Variants in BIRC6 observed in about 807,000 individuals in gnomAD.
BIRC6 encodes baculoviral IAP repeat containing 6, also known as dual E2 ubiquitin-conjugating enzyme/E3 ubiquitin-protein ligase BIRC6.
Under a neutral mutation model 503.3 loss-of-function variants are expected in BIRC6, and 98 were observed. The observed-to-expected ratio is 0.19, with a 90% CI of 0.17 to 0.23. The LOEUF is 0.23. BIRC6 is among the 10% of genes least tolerant of loss of function. The probability of loss-of-function intolerance (pLI) is 1.00; values close to 1 mark genes in which losing one functional copy is unlikely to be tolerated. For synonymous variants in BIRC6, 2,240 were observed against 2,078.7 expected (o/e 1.08, Z -2.11); for missense variants, 5,360 against 5,806.0 (o/e 0.92, Z 2.50).
At chr2:32,504,267 T>C (rs2053555233) in intron 49 of BIRC6, among the ~76,000 whole-genome samples, 1 of 152,126 alleles carries the variant, frequency 6.6e-6, no homozygotes, top group African/African-American at 2.4e-5. Flanking sequence ...GTTTACATAG[T>C]TTCTTTTAAA....
chr2:32,507,865 T>C (rs1214694476), intron 50 of BIRC6, 115 bp from the exon 51 acceptor site: 3 of 961,720 alleles, frequency 3.1e-6, no homozygotes, highest in East Asian at 2.8e-5. Flanking sequence ...AGTTTTCCTT[T>C]TACAAGTTCA....
At chr2:32,360,681 A>G (rs905145820) in intron 1 of BIRC6, among the ~76,000 whole-genome samples, 4 of 152,172 alleles carry the variant, frequency 2.6e-5, no homozygotes, top group African/African-American at 9.7e-5. Flanking sequence ...CTAAGCACAT[A>G]TGGTCCTATT....
intron 37 of BIRC6, among the ~76,000 whole-genome samples, chr2:32,479,964 CT>C (rs1418193016): frequency 1.3e-5 from 2 of 151,842 alleles, no homozygotes; most frequent in African/African-American, 2.4e-5. Flanking sequence ...GTATTTTTTT[CT>C]TACTTTTTCT....
intron 23 of BIRC6, among the ~76,000 whole-genome samples, chr2:32,458,281 T>C (rs2047462690): frequency 6.6e-6 from 1 of 152,176 alleles, no homozygotes; most frequent in Admixed American, 6.5e-5. Flanking sequence ...CTGCTTCAGA[T>C]TGATAGGACT....
chr2:32,495,005 T>G (rs991781574), intron 45 of BIRC6, among the ~76,000 whole-genome samples: 1 of 152,226 alleles, frequency 6.6e-6, no homozygotes, highest in Non-Finnish European at 1.5e-5. Context: ...TTATACATAC[T>G]TTGTGAGGAT....
chr2:32,490,820 C>G (rs1229687433), intron 43 of BIRC6, among the ~76,000 whole-genome samples: 1 of 151,826 alleles, frequency 6.6e-6, no homozygotes, highest in Non-Finnish European at 1.5e-5. Flanking sequence ...TAACTAGATT[C>G]CTGGGTTTTG....
chr2:32,548,111 G>T, intron 64 of BIRC6, 97 bp downstream of exon 64: 1 of 1,097,326 alleles, frequency 9.1e-7, no homozygotes, highest in Non-Finnish European at 1.2e-6. Context: ...CCTCAGCTAT[G>T]TTTATGCCCA....
intron 1 of BIRC6, among the ~76,000 whole-genome samples, chr2:32,373,717 T>G (rs1432505547): frequency 6.6e-6 from 1 of 152,218 alleles, no homozygotes; most frequent in Non-Finnish European, 1.5e-5. Context: ...AATTACCATA[T>G]GATCGCTGTT....
chr2:32,426,015 T>A (rs532184857), intron 10 of BIRC6, among the ~76,000 whole-genome samples: 10 of 152,330 alleles, frequency 6.6e-5, no homozygotes, highest in African/African-American at 2.2e-4. Context: ...GTAGATATCC[T>A]GTTAGGTCCC....
At chr2:32,455,224 A>C (rs1312883027) in intron 23 of BIRC6, among the ~76,000 whole-genome samples, 1 of 151,330 alleles carries the variant, frequency 6.6e-6, no homozygotes, top group East Asian at 1.9e-4. Flanking sequence ...TAAAAAATAC[A>C]AAAAAAATTA....
intron 10 of BIRC6, among the ~76,000 whole-genome samples, chr2:32,419,437 A>G (rs2042714293): frequency 6.6e-6 from 1 of 152,146 alleles, no homozygotes; most frequent in Non-Finnish European, 1.5e-5. Context: ...CACTACATAT[A>G]AAATTTTGTA....
Position 32,414,953 on chromosome 2 carries a change from A to G in BIRC6, c.1662A>G (p.Glu554=), listed in dbSNP as rs142383253. 145 of 1,614,028 alleles carry G rather than the reference A, an allele frequency of 9.0e-5. No individual in the cohort carries two copies. In the Middle Eastern group the frequency reaches 9.9e-4, roughly 11 times the overall value. The change falls in exon 10 of 74, where the codon GAA becomes GAG. Residue 554 remains glutamate (E), a synonymous_variant. Transcript: ENST00000421745. ...ACTCTAAGAGTGAAAAGACAAAGGA[A>G]AAGCACCAGGAGCAACACAACATTC... is the stretch of plus-strand genomic sequence containing the variant. ...LTNSKSEKTK[E]KHQEQHNIPF...
chr2:32,367,536 A>G, intron 1 of BIRC6, among the ~76,000 whole-genome samples: 1 of 152,014 alleles, frequency 6.6e-6, no homozygotes, highest in East Asian at 1.9e-4. Flanking sequence ...AAAAGTAATT[A>G]TTAGGCTGGG....
intron 42 of BIRC6, among the ~76,000 whole-genome samples, 178 bp downstream of exon 42, chr2:32,488,892 G>C (rs1024947719): frequency 6.6e-6 from 1 of 152,158 alleles, no homozygotes; most frequent in African/African-American, 2.4e-5. Flanking sequence ...GATACAGGGA[G>C]ACCTTGTTGA....
At chr2:32,497,761 A>T (rs902659298) in intron 45 of BIRC6, among the ~76,000 whole-genome samples, 2 of 152,132 alleles carry the variant, frequency 1.3e-5, no homozygotes, top group Non-Finnish European at 2.9e-5. Context: ...GGCAGCTTAT[A>T]GATTATTTCT....
At chr2:32,487,948 CCAAA>C in intron 41 of BIRC6, 147 bp downstream of exon 41, 5 of 670,210 alleles carry the variant, frequency 7.5e-6, no homozygotes, top group Non-Finnish European at 1.2e-5. Flanking sequence ...ACTTTGATTA[CCAAA>C]GTAATCACAG....
At chr2:32,417,460 A>G (rs1435233930) in intron 10 of BIRC6, among the ~76,000 whole-genome samples, 2 of 152,050 alleles carry the variant, frequency 1.3e-5, no homozygotes, top group Non-Finnish European at 2.9e-5. Flanking sequence ...TTTTACTTAT[A>G]TACATTTTAA....
chr2:32,525,703 C>A, intron 59 of BIRC6, 75 bp downstream of exon 59: 1 of 1,432,736 alleles, frequency 7.0e-7, no homozygotes, highest in African/African-American at 1.4e-5. Flanking sequence ...GGCACAGTCA[C>A]CAAAATCATT....
rs768545638 is a variant in BIRC6, at chr2:32,595,090, G to A, written c.13558G>A (p.Val4520Ile). The change falls in exon 68 of 74, where the codon GTA (valine) becomes ATA (isoleucine). Residue 4520 changes from valine (V) to isoleucine (I), a missense_variant. This residue lies in a region of BIRC6 where 477 missense variants were observed against 574.4 expected (regional missense o/e 0.83). Coordinates refer to ENST00000421745, the MANE Select transcript of BIRC6 (RefSeq NM_016252.4). ...KAAMKPKPLS[V>I]LKSLEEKYVA... ...GGCTATGAAACCCAAACCTTTGTCAGTATTAAAGTCACTTGAAGAAAAATA... is the reference window on the plus strand; with the variant it reads ...GGCTATGAAACCCAAACCTTTGTCAATATTAAAGTCACTTGAAGAAAAATA... 61 of 1,601,480 alleles carry A rather than the reference G, an allele frequency of 3.8e-5. No individual in the cohort carries two copies. The highest frequency in any genetic ancestry group is 3.6e-4 in the South Asian group (31 of 87,278).
Sources: allele counts gnomAD v4.1 joint callset (sites outside exome capture counted in the v4.1 genomes callset), GRCh38; gene constraint gnomAD v4.1.1; regional missense constraint gnomAD v4.1.1; transcripts MANE v1.5; gene names NCBI Gene and HGNC (gene_info 2026-07-23, HGNC 2026-07-21).